The following DOP1B variants were observed in gnomAD, a reference collection of about 807,000 sequenced individuals.
DOP1B encodes DOP1 leucine zipper like protein B, also known as protein DOP1B.
In DOP1B, 174 loss-of-function variants were observed where a neutral mutation model predicts 233.5. That is an observed-to-expected ratio of 0.75 (90% CI 0.66 to 0.85). The LOEUF (loss-of-function observed/expected upper bound fraction) is 0.85. Among genes scored for constraint, DOP1B ranks in the 40% least tolerant of loss-of-function variants. The pLI is 0.00. For missense variants in DOP1B, 2,652 were observed against 2,846.6 expected (o/e 0.93, Z 1.56); for synonymous variants, 1,190 against 1,185.6 (o/e 1.00, Z -0.08).
chr21:36,222,420 A>G (rs1265150354), intron 10 of DOP1B, among the ~76,000 whole-genome samples: 2 of 151,518 alleles, frequency 1.3e-5, no homozygotes, highest in South Asian at 2.1e-4. Context: ...CGTCTCTACT[A>G]AAAATACAAA....
Position 36,239,971 on chromosome 21 carries a change from A to G in DOP1B, c.3067+16A>G, listed in dbSNP as rs778170234. ...AACTCGGCCGGTGAGCAGCCTGCAC[A>G]GGACCCGAGGGTGAGGGAGGAATGG... On this transcript the variant is annotated intron_variant, in intron 18 of 36. Coordinates refer to ENST00000691173, the MANE Select transcript of DOP1B (RefSeq NM_001320714.2). 7.5e-6 allele frequency: 12 copies of G among 1,599,634 alleles called. No homozygotes were observed. In the Admixed American group the frequency reaches 1.9e-4, roughly 25 times the overall value.
At chr21:36,291,026 G>C (rs577657806) in intron 35 of DOP1B, among the ~76,000 whole-genome samples, 1 of 151,872 alleles carries the variant, frequency 6.6e-6, no homozygotes, top group South Asian at 2.1e-4. Context: ...CACTTTGGGA[G>C]GCCGAGGCAG....
rs114007180 is a variant in DOP1B, at chr21:36,249,312, G to A, written c.4998+744G>A. Among the ~76,000 whole-genome samples, 922 of 149,038 alleles carry A rather than the reference G, an allele frequency of 6.2e-3. 11 individuals carry two copies. Among genetic ancestry groups the A allele is most frequent in the African/African-American group, 0.022 (888 of 40,454 alleles). ...GTATGGTGGCAGGCACCTGTAGTCC[G>A]AGCTACTCAGGAGGCCGAGGCAAGA... On this transcript the variant is annotated intron_variant, in intron 21 of 36. Transcript: ENST00000691173.
chr21:36,233,456 CA>C (rs1041072385), intron 15 of DOP1B, among the ~76,000 whole-genome samples: 1 of 152,180 alleles, frequency 6.6e-6, no homozygotes, highest in Non-Finnish European at 1.5e-5. Context: ...CCAGGAGGTG[CA>C]AAAGCCCTTG....
At chr21:36,209,662 TC>T (rs1387521898) in intron 5 of DOP1B, among the ~76,000 whole-genome samples, 1 of 151,968 alleles carries the variant, frequency 6.6e-6, no homozygotes, top group African/African-American at 2.4e-5. Context: ...ATTATTGGGG[TC>T]CCCCAGGTAT....
chr21:36,260,383 G>A (rs1569057706), intron 23 of DOP1B, among the ~76,000 whole-genome samples: 2 of 152,092 alleles, frequency 1.3e-5, no homozygotes, highest in Non-Finnish European at 2.9e-5. Context: ...GGGAAGTTCG[G>A]TTACAGTGCC....
intron 2 of DOP1B, among the ~76,000 whole-genome samples, chr21:36,186,438 G>A (rs1392948643): frequency 6.6e-6 from 1 of 151,976 alleles, no homozygotes; most frequent in Non-Finnish European, 1.5e-5. Flanking sequence ...GTATATGTAT[G>A]GGAAGTATGT....
intron 26 of DOP1B, 37 bp downstream of exon 26, chr21:36,263,851 C>T (rs2067203313): frequency 2.5e-6 from 4 of 1,587,622 alleles, no homozygotes; most frequent in Non-Finnish European, 3.5e-6. Flanking sequence ...AATGATATTA[C>T]CCCAGCAGTG....
chr21:36,194,117 A>G (rs1254157036), intron 2 of DOP1B, among the ~76,000 whole-genome samples: 1 of 152,184 alleles, frequency 6.6e-6, no homozygotes, highest in Admixed American at 6.5e-5. Flanking sequence ...GGCATCAGTA[A>G]TAGCCTCAGT....
chr21:36,203,042 TCA>T (rs1481359397), intron 4 of DOP1B, among the ~76,000 whole-genome samples: 2 of 152,254 alleles, frequency 1.3e-5, no homozygotes, highest in Non-Finnish European at 2.9e-5. Flanking sequence ...TCTGTGTGAA[TCA>T]CACTAGAAGT....
chr21:36,275,253 C>A (rs1404282460), intron 27 of DOP1B, among the ~76,000 whole-genome samples: 1 of 152,148 alleles, frequency 6.6e-6, no homozygotes, highest in Non-Finnish European at 1.5e-5. Flanking sequence ...TTAGCAGAGT[C>A]CTTGATGGCC....
At chr21:36,237,145 C>A in intron 15 of DOP1B, 117 bp from the exon 16 acceptor site, 1 of 1,373,390 alleles carries the variant, frequency 7.3e-7, no homozygotes, top group Non-Finnish European at 1.0e-6. Context: ...AGGATTCTCA[C>A]ATGGCAAGTA....
intron 22 of DOP1B, among the ~76,000 whole-genome samples, chr21:36,252,570 A>T (rs1175506371): frequency 1.3e-5 from 2 of 149,902 alleles, no homozygotes; most frequent in East Asian, 3.9e-4. Flanking sequence ...TTCTATTGAG[A>T]CAGAGCGATC....
intron 13 of DOP1B, 123 bp downstream of exon 13, chr21:36,228,000 T>C (rs1050302437): frequency 1.7e-5 from 17 of 987,552 alleles, no homozygotes; most frequent in Middle Eastern, 6.9e-4. Flanking sequence ...CCAGGTGATA[T>C]GTCAAATATG....
At position 36,200,378 on chromosome 21, in the gene DOP1B, C is replaced by G; in HGVS notation, c.368C>G (p.Pro123Arg). 1 of 1,612,892 alleles carries G rather than the reference C, an allele frequency of 6.2e-7. No individual in the cohort carries two copies. Among genetic ancestry groups the G allele is most frequent in the Non-Finnish European group, 8.5e-7 (1 of 1,179,706 alleles). The change falls in exon 4 of 37, where the codon CCG (proline) becomes CGG (arginine). Residue 123 changes from proline to arginine, a missense_variant. Transcript: ENST00000691173. ...LLAHAAVSVR[P>R]VLLTLYEKYF... ...GCACACGCGGCGGTGTCGGTGAGGC[C>G]GGTGCTGCTCACCCTGTACGAGAAG... is the stretch of plus-strand genomic sequence containing the variant.
Position 36,288,950 on chromosome 21 carries a change from T to C in DOP1B, c.6354-95T>C, listed in dbSNP as rs1030631227. On this transcript the variant is annotated intron_variant, in intron 34 of 36. Transcript: ENST00000691173. ...AGGACCAGCTATTCCAAAAATTTCT[T>C]AAAAAGAAAATTCTTCTGAGGGACA... 5 of 1,532,494 alleles carry C rather than the reference T, an allele frequency of 3.3e-6. No homozygotes were observed. In the Admixed American group the frequency reaches 8.6e-5, roughly 27 times the overall value. 94.9% of individuals were successfully genotyped at this position (1,532,494 alleles called of 1,614,324 possible). A position where few individuals can be genotyped will look rare whatever the true frequency, so the allele number is the denominator to read the frequency against.
chr21:36,278,303 C>A lies in DOP1B; in HGVS notation c.5917C>A (p.Leu1973Met), dbSNP rs940707495. The A allele has an allele frequency of 1.2e-6, 2 of 1,614,078 alleles. No homozygotes were observed. The highest frequency in any genetic ancestry group is 1.7e-6 in the Non-Finnish European group (2 of 1,180,018). Residue 1973 changes from leucine to methionine, a missense_variant, in exon 30 of 37, where the codon CTG (leucine) becomes ATG (methionine). Coordinates refer to ENST00000691173, the MANE Select transcript of DOP1B (RefSeq NM_001320714.2). ...AAAGCGAGCCTGGAGGAAGGAGGTCCTGGAGCTGTTTCTCGACCCCGCTTT... is the reference window on the plus strand; with the variant it reads ...AAAGCGAGCCTGGAGGAAGGAGGTCATGGAGCTGTTTCTCGACCCCGCTTT... ...YTKRAWRKEV[L>M]ELFLDPAFFQ...
At chr21:36,237,907 C>T (rs1282440433) in intron 16 of DOP1B, among the ~76,000 whole-genome samples, 1 of 152,148 alleles carries the variant, frequency 6.6e-6, no homozygotes, top group Non-Finnish European at 1.5e-5. Flanking sequence ...GTGACTCACG[C>T]CTGTAATTCC....
At chr21:36,286,699 C>T (rs144268547) in intron 32 of DOP1B, among the ~76,000 whole-genome samples, 2,456 of 150,730 alleles carry the variant, frequency 0.016, 32 homozygotes, top group Middle Eastern at 0.035. Context: ...TGGCAGCTCA[C>T]GCCTGTAATC....
Sources: allele counts gnomAD v4.1 joint callset (sites outside exome capture counted in the v4.1 genomes callset), GRCh38; gene constraint gnomAD v4.1.1; transcripts MANE v1.5; gene names NCBI Gene and HGNC (gene_info 2026-07-23, HGNC 2026-07-21).